Variants in PCDHA3 observed in about 807,000 individuals in gnomAD.
The protein encoded by PCDHA3 is protocadherin alpha-3.
Under a neutral mutation model 62.2 loss-of-function variants are expected in PCDHA3, and 41 were observed. That is an observed-to-expected ratio of 0.66 (90% CI 0.51 to 0.86). PCDHA3 has a LOEUF of 0.86. Among genes scored for constraint, PCDHA3 ranks in the 40% least tolerant of loss-of-function variants. The probability of loss-of-function intolerance (pLI) is 0.00; values close to 1 mark genes in which losing one functional copy is unlikely to be tolerated. For missense variants in PCDHA3, 1,304 were observed against 1,241.2 expected, an observed-to-expected ratio of 1.05 and a Z score of -0.76; for synonymous variants, 640 against 555.4, an observed-to-expected ratio of 1.15 and a Z score of -2.14.
intron 1 of PCDHA3, chr5:140,848,452 T>C (rs1402263047): frequency 1.3e-6 from 2 of 1,520,140 alleles, no homozygotes; most frequent in Non-Finnish European, 1.8e-6. Flanking sequence ...TTCTTCTAAT[T>C]TGGAGGCAAT....
rs1459360410 is a variant in PCDHA3 at position 140,851,559 on chromosome 5, A to C, written c.2394+47968A>C. 4 of 909,446 alleles carry C rather than the reference A, an allele frequency of 4.4e-6. 1 individual carries two copies. In the East Asian group the frequency reaches 3.5e-4, roughly 79 times the overall value. The allele number at this position is 909,446 out of a possible 1,614,324, so 56.3% of individuals were successfully genotyped here. A position where few individuals can be genotyped will look rare whatever the true frequency, so the allele number is the denominator to read the frequency against. ...AGATAATTCAAGAAATGTTGACTGA[A>C]ATTTTGTCTACACTTAGAACATTTT... is the stretch of plus-strand genomic sequence containing the variant. On this transcript the variant is annotated intron_variant, in intron 1 of 3. Transcript: ENST00000522353.
Position 140,942,913 on chromosome 5 carries a change from GA to G in PCDHA3, c.2395-36026del, listed in dbSNP as rs58669311. Among the ~76,000 whole-genome samples the G allele has an allele frequency of 2.0e-3, 305 of 148,960 alleles. 3 individuals carry two copies. The highest frequency in any genetic ancestry group is 6.9e-3 in the African/African-American group (281 of 40,624). ...ATTTATCTCTAAGAATAAGCGTGAA[GA>G]AAAAAAAAATTGAAAAAGAGTTTAA... On this transcript the variant is annotated intron_variant, in intron 1 of 3. Coordinates refer to ENST00000522353, the MANE Select transcript of PCDHA3 (RefSeq NM_018906.3).
chr5:140,984,982 G>A lies in PCDHA3; in HGVS notation c.2542+2419G>A, dbSNP rs544151858. On this transcript the variant is annotated intron_variant, in intron 3 of 3. Coordinates refer to ENST00000522353, the MANE Select transcript of PCDHA3 (RefSeq NM_018906.3). ...AGACAGAGTCTCGCTCTGTCCCCCA[G>A]GCTGGAGTCCAGTGGCACGATATCG... Among the ~76,000 whole-genome samples the A allele has an allele frequency of 1.1e-3, 174 of 152,116 alleles. 2 individuals are homozygous for A. In the South Asian group the frequency reaches 0.016, roughly 14 times the overall value.
intron 1 of PCDHA3, chr5:140,829,543 G>T (rs2150169755): frequency 1.2e-6 from 2 of 1,612,982 alleles, no homozygotes; most frequent in African/African-American, 1.3e-5. Context: ...ACGCGGACGC[G>T]CAGGAGAACG....
At chr5:140,965,848 C>T (rs2095941298) in intron 1 of PCDHA3, among the ~76,000 whole-genome samples, 1 of 152,178 alleles carries the variant, frequency 6.6e-6, no homozygotes, top group Non-Finnish European at 1.5e-5. Context: ...TTTGCCAAGG[C>T]ACACACTGAA....
intron 1 of PCDHA3, chr5:140,821,809 C>T: frequency 1.9e-6 from 3 of 1,613,446 alleles, no homozygotes; most frequent in Admixed American, 1.7e-5. Context: ...TCTGGGATCC[C>T]GGCTCCTGCT....
At chr5:140,850,835 T>C in intron 1 of PCDHA3, 5 of 1,597,984 alleles carry the variant, frequency 3.1e-6, no homozygotes, top group Non-Finnish European at 4.3e-6. Flanking sequence ...CTCCTTGTGC[T>C]GGATCTACAG....
At position 140,802,731 on chromosome 5, in the gene PCDHA3, G is replaced by T. The variant is rs782560612; in HGVS notation, c.1534G>T (p.Ala512Ser). The T allele has an allele frequency of 6.2e-7, 1 of 1,612,422 alleles. No homozygotes were observed. The highest frequency in any genetic ancestry group is 8.5e-7 in the Non-Finnish European group (1 of 1,179,796). Residue 512 changes from alanine to serine, a missense_variant, in exon 1 of 4, where the codon GCG becomes TCG. Physicochemically the swap from Ala to Ser is moderately conservative, Grantham distance 99 (BLOSUM62 1). Transcript: ENST00000522353. The stretch of plus-strand genomic sequence containing the variant: ...GCTGTCGAGCTACGTGTCGGTACAC[G>T]CGGAGAGCGGCAAGGTGTACGCGCT... ...RALSSYVSVH[A>S]ESGKVYALQP...
In PCDHA3 at chr5:140,870,868, G is replaced by T. The variant is rs550915753; in HGVS notation, c.2394+67277G>T. 2.5e-6 allele frequency: 4 copies of T among 1,613,944 alleles called. No homozygotes were observed. The South Asian group carries it at 3.3e-5, about 13-fold the overall frequency. ...ACCGCGGTCGGTGGGTGCGGGCCAC[G>T]TGGTGGCGAAGGTGCGCGCAGTGGA... On this transcript the variant is annotated intron_variant, in intron 1 of 3. Coordinates refer to ENST00000522353, the MANE Select transcript of PCDHA3 (RefSeq NM_018906.3).
At chr5:140,805,873 A>G (rs1763643403) in intron 1 of PCDHA3, among the ~76,000 whole-genome samples, 1 of 152,198 alleles carries the variant, frequency 6.6e-6, no homozygotes, top group Non-Finnish European at 1.5e-5. Flanking sequence ...GCATTTTATT[A>G]GGCAATGGAA....
chr5:141,006,343 C>T (rs1036137270), intron 3 of PCDHA3, among the ~76,000 whole-genome samples: 41 of 152,038 alleles, frequency 2.7e-4, no homozygotes, highest in African/African-American at 8.9e-4. Context: ...TCCTGAGTAG[C>T]TGGGACTATA....
intron 1 of PCDHA3, among the ~76,000 whole-genome samples, chr5:140,938,897 G>A (rs72800999): frequency 0.012 from 1,856 of 151,306 alleles, 24 homozygotes; most frequent in Non-Finnish European, 0.018. Flanking sequence ...ACACAGATGC[G>A]CACACACACA....
chr5:140,836,493 A>T (rs1554136006), intron 1 of PCDHA3: 4 of 1,613,732 alleles, frequency 2.5e-6, no homozygotes, highest in Admixed American at 1.7e-5. Context: ...GATCATCGCC[A>T]TCTGCGCGGT....
At chr5:140,856,690 T>G (rs1368181199) in intron 1 of PCDHA3, 2 of 1,597,086 alleles carry the variant, frequency 1.3e-6, no homozygotes, top group African/African-American at 2.7e-5. Context: ...TGACAGCAAC[T>G]GATGGAGGCA....
chr5:140,850,266 G>A, intron 1 of PCDHA3: 2 of 1,594,736 alleles, frequency 1.3e-6, no homozygotes, highest in Non-Finnish European at 8.6e-7. Context: ...CGGCGTAGTG[G>A]TGGGGAAGGT....
intron 2 of PCDHA3, among the ~76,000 whole-genome samples, chr5:140,981,654 A>ATTTCTTCCTTCC (rs563193906): frequency 2.0e-5 from 3 of 152,026 alleles, no homozygotes; most frequent in Non-Finnish European, 2.9e-5. Context: ...GATCCCACTT[A>ATTTCTTCCTTCC]TTTCTTCCTT....
At chr5:140,917,875 T>TC (rs1459321723) in intron 1 of PCDHA3, among the ~76,000 whole-genome samples, 11 of 152,026 alleles carry the variant, frequency 7.2e-5, no homozygotes, top group Non-Finnish European at 7.4e-5. Context: ...CTATTTGGGC[T>TC]CTTTTTTTTT....
At chr5:140,829,902 A>T (rs2150177390) in intron 1 of PCDHA3, 1 of 1,613,948 alleles carries the variant, frequency 6.2e-7, no homozygotes, top group Non-Finnish European at 8.5e-7. Flanking sequence ...TCAGGCTACA[A>T]CGCGTGGCTT....
At chr5:140,876,164 C>T (rs1554168313) in intron 1 of PCDHA3, 2 of 1,613,950 alleles carry the variant, frequency 1.2e-6, no homozygotes, top group South Asian at 1.1e-5. Flanking sequence ...ATTCAAATAA[C>T]CGTCCTGGAT....
Sources: gnomAD v4.1 joint callset for allele counts (sites outside exome capture counted in the v4.1 genomes callset) on GRCh38, gnomAD v4.1.1 for gene constraint, MANE v1.5 for transcripts, NCBI Gene and HGNC (gene_info 2026-07-23, HGNC 2026-07-21) for gene names.